Variants in PTPRD observed in about 807,000 individuals in gnomAD.
PTPRD encodes the protein receptor-type tyrosine-protein phosphatase delta.
In PTPRD, 34 loss-of-function variants were observed where a neutral mutation model predicts 214.5. That is an observed-to-expected ratio of 0.16 (90% CI 0.12 to 0.21). The LOEUF (loss-of-function observed/expected upper bound fraction) is 0.21, where lower values mean the gene tolerates loss of function less well. Among genes scored for constraint, PTPRD ranks in the 10% least tolerant of loss-of-function variants. The probability of loss-of-function intolerance (pLI) is 1.00; values close to 1 mark genes in which losing one functional copy is unlikely to be tolerated. For synonymous variants in PTPRD, 1,128 were observed against 845.7 expected, an observed-to-expected ratio of 1.33 and a Z score of -5.79; for missense variants, 2,545 against 2,398.7, an observed-to-expected ratio of 1.06 and a Z score of -1.27.
chr9:9,462,874 G>A (rs912656619), intron 8 of PTPRD, among the ~76,000 whole-genome samples: 1 of 152,076 alleles, frequency 6.6e-6, no homozygotes, highest in South Asian at 2.1e-4. Context: ...TTTACCAAAA[G>A]TTCTTGTCTG....
intron 7 of PTPRD, among the ~76,000 whole-genome samples, chr9:9,697,266 C>T (rs2097395769): frequency 6.6e-6 from 1 of 152,042 alleles, no homozygotes; most frequent in South Asian, 2.1e-4. Context: ...CTTACTTTTA[C>T]AAGTGAACTT....
intron 11 of PTPRD, among the ~76,000 whole-genome samples, chr9:9,002,202 AAGAG>A (rs1399130805): frequency 1.3e-5 from 2 of 152,016 alleles, no homozygotes; most frequent in Non-Finnish European, 2.9e-5. Context: ...TGGTAAGGTA[AAGAG>A]AGAAACAAAA....
At chr9:10,206,439 A>G (rs1399907986) in intron 3 of PTPRD, among the ~76,000 whole-genome samples, 2 of 152,200 alleles carry the variant, frequency 1.3e-5, no homozygotes, top group Non-Finnish European at 2.9e-5. Context: ...TACTGACATT[A>G]TATATCAGGC....
At chr9:9,677,098 G>C (rs1353091299) in intron 7 of PTPRD, among the ~76,000 whole-genome samples, 3 of 152,046 alleles carry the variant, frequency 2.0e-5, no homozygotes, top group African/African-American at 7.2e-5. Context: ...TCTGATGGTA[G>C]TTTCTTTTGA....
At chr9:10,364,622 T>G (rs2097478555) in intron 2 of PTPRD, among the ~76,000 whole-genome samples, 1 of 152,148 alleles carries the variant, frequency 6.6e-6, no homozygotes, top group Non-Finnish European at 1.5e-5. Flanking sequence ...ACCTCAAGAA[T>G]CAGACTTCCT....
intron 3 of PTPRD, among the ~76,000 whole-genome samples, chr9:10,051,832 C>T (rs934729227): frequency 6.6e-6 from 1 of 152,188 alleles, no homozygotes; most frequent in African/African-American, 2.4e-5. Flanking sequence ...TTTTAATTCT[C>T]TTTTTATTCA....
At chr9:10,013,942 T>TTGAA (rs2096650838) in intron 4 of PTPRD, among the ~76,000 whole-genome samples, 1 of 151,940 alleles carries the variant, frequency 6.6e-6, no homozygotes, top group African/African-American at 2.4e-5. Flanking sequence ...CTTAATAGCA[T>TTGAA]TGAATGAAAC....
intron 3 of PTPRD, among the ~76,000 whole-genome samples, chr9:10,205,002 T>C (rs893763245): frequency 1.3e-5 from 2 of 151,454 alleles, no homozygotes; most frequent in African/African-American, 2.4e-5. Flanking sequence ...ATACTTTGAA[T>C]GCTATAATTC....
chr9:10,279,185 GT>G lies in PTPRD; in HGVS notation c.-545+61777del, dbSNP rs1392166083. On this transcript the variant is annotated intron_variant, in intron 3 of 45. Transcript: ENST00000381196. ...ATTCATCCCTCCACTCTTGTCAGTA[GT>G]AAGAACATATTAACAAGTGTAGTTC... 3.5e-3 allele frequency among the ~76,000 whole-genome samples: 531 copies of G among 152,178 alleles called. 5 individuals are homozygous for G. The highest frequency in any genetic ancestry group is 0.012 in the African/African-American group (513 of 41,498).
intron 7 of PTPRD, among the ~76,000 whole-genome samples, chr9:9,701,668 C>A (rs961263987): frequency 1.3e-5 from 2 of 152,070 alleles, no homozygotes; most frequent in East Asian, 1.9e-4. Flanking sequence ...CTTAGAAATT[C>A]ATTAGATGTG....
At chr9:10,277,417 A>C (rs959456211) in intron 3 of PTPRD, among the ~76,000 whole-genome samples, 1 of 152,138 alleles carries the variant, frequency 6.6e-6, no homozygotes, top group African/African-American at 2.4e-5. Flanking sequence ...GCCAGCCCTG[A>C]CTCTCGGCAC....
At chr9:8,409,799 T>C (rs1255818522) in intron 35 of PTPRD, among the ~76,000 whole-genome samples, 6 of 152,224 alleles carry the variant, frequency 3.9e-5, no homozygotes, top group Admixed American at 3.3e-4. Flanking sequence ...CATCCTGTTT[T>C]TGTGTGTTTT....
intron 4 of PTPRD, among the ~76,000 whole-genome samples, chr9:9,946,553 T>G (rs1352489059): frequency 2.0e-5 from 3 of 151,922 alleles, no homozygotes; most frequent in Non-Finnish European, 4.4e-5. Flanking sequence ...TGTGACTTTT[T>G]GCCTGGATCT....
intron 36 of PTPRD, among the ~76,000 whole-genome samples, chr9:8,393,675 T>C (rs1182729390): frequency 6.6e-6 from 1 of 152,132 alleles, no homozygotes; most frequent in East Asian, 1.9e-4. Context: ...TCATGATTTC[T>C]CATGCATTGT....
At chr9:8,858,551 G>T (rs924545716) in intron 11 of PTPRD, among the ~76,000 whole-genome samples, 17 of 152,150 alleles carry the variant, frequency 1.1e-4, no homozygotes, top group Non-Finnish European at 1.8e-4. Flanking sequence ...TTGTTTCCTT[G>T]TGTGGGTGAT....
At chr9:10,361,743 T>C (rs528988025) in intron 2 of PTPRD, among the ~76,000 whole-genome samples, 1 of 152,260 alleles carries the variant, frequency 6.6e-6, no homozygotes, top group Admixed American at 6.5e-5. Context: ...TATTATACTA[T>C]TTAAAAGAAT....
At chr9:8,446,814 C>T (rs569971395) in intron 34 of PTPRD, among the ~76,000 whole-genome samples, 1 of 152,122 alleles carries the variant, frequency 6.6e-6, no homozygotes, top group African/African-American at 2.4e-5. Context: ...TTTCATTATC[C>T]AAGAAAACCC....
intron 8 of PTPRD, among the ~76,000 whole-genome samples, chr9:9,513,954 C>G (rs1555505757): frequency 6.6e-6 from 1 of 151,986 alleles, no homozygotes; most frequent in Non-Finnish European, 1.5e-5. Context: ...GGGAGCCAAG[C>G]TGGTACCAGT....
intron 9 of PTPRD, among the ~76,000 whole-genome samples, chr9:9,298,089 A>G (rs1953801354): frequency 1.3e-5 from 2 of 151,856 alleles, no homozygotes; most frequent in South Asian, 4.1e-4. Context: ...CCACATTTTT[A>G]ATCTTGGGAA....
Sources: allele counts gnomAD v4.1 joint callset (sites outside exome capture counted in the v4.1 genomes callset), GRCh38; gene constraint gnomAD v4.1.1; transcripts MANE v1.5; gene names NCBI Gene and HGNC (gene_info 2026-07-23, HGNC 2026-07-21).